ZCWPW2: variants seen among roughly 807,000 people sequenced by gnomAD.
ZCWPW2 encodes zinc finger CW-type PWWP domain protein 2.
Under a neutral mutation model 46.6 loss-of-function variants are expected in ZCWPW2, and 45 were observed. The ratio of observed to expected loss-of-function variants is 0.96; its 90% CI spans 0.76 to 1.24. The LOEUF is 1.24. ZCWPW2 is among the 50% of genes most tolerant of loss of function. ZCWPW2 has a pLI of 0.00. For missense variants in ZCWPW2, 429 were observed against 403.9 expected (o/e 1.06, Z -0.53); for synonymous variants, 152 against 137.1 (o/e 1.11, Z -0.76).
intron 4 of ZCWPW2, among the ~76,000 whole-genome samples, chr3:28,436,187 T>C (rs1697481576): frequency 6.6e-6 from 1 of 152,174 alleles, no homozygotes; most frequent in African/African-American, 2.4e-5. Context: ...TAAGTATAAA[T>C]CAATTAAATG....
At chr3:28,506,932 A>G (rs530799667) in intron 6 of ZCWPW2, among the ~76,000 whole-genome samples, 1 of 152,134 alleles carries the variant, frequency 6.6e-6, no homozygotes, top group African/African-American at 2.4e-5. Context: ...TCTTCCCTCA[A>G]ATACTTTGAG....
At chr3:28,389,996 C>T (rs1383260791) in intron 1 of ZCWPW2, among the ~76,000 whole-genome samples, 7 of 152,186 alleles carry the variant, frequency 4.6e-5, no homozygotes, top group East Asian at 1.9e-4. Flanking sequence ...AACACCTTCA[C>T]AGGAATATCC....
At chr3:28,453,846 ATTATTAT>A (rs1169236339) in intron 4 of ZCWPW2, among the ~76,000 whole-genome samples, 9 of 144,068 alleles carry the variant, frequency 6.2e-5, no homozygotes, top group African/African-American at 1.5e-4. Flanking sequence ...TATTTTTTTT[ATTATTAT>A]TTTTTTTTTG....
chr3:28,360,392 G>C (rs13090951), intron 1 of ZCWPW2, among the ~76,000 whole-genome samples: 26,457 of 148,404 alleles, frequency 0.18, 3,164 homozygotes, highest in Admixed American at 0.26. Context: ...GCATGGTGGC[G>C]GGTGCCTGTA....
intron 6 of ZCWPW2, among the ~76,000 whole-genome samples, chr3:28,495,190 T>C (rs1046828012): frequency 2.0e-5 from 3 of 152,076 alleles, no homozygotes; most frequent in Non-Finnish European, 4.4e-5. Flanking sequence ...ACTACAAGGC[T>C]ACAGTAACCA....
At chr3:28,406,116 T>C (rs937900067) in intron 2 of ZCWPW2, among the ~76,000 whole-genome samples, 12 of 152,214 alleles carry the variant, frequency 7.9e-5, no homozygotes, top group African/African-American at 2.9e-4. Flanking sequence ...GGCTTGGCTC[T>C]TCTTGACTGC....
chr3:28,364,757 C>T (rs544261946), intron 1 of ZCWPW2, among the ~76,000 whole-genome samples: 8 of 151,430 alleles, frequency 5.3e-5, no homozygotes, highest in South Asian at 2.1e-4. Flanking sequence ...ACTTCCACAA[C>T]GGTTGAACTA....
intron 4 of ZCWPW2, among the ~76,000 whole-genome samples, chr3:28,467,071 G>A (rs1010419426): frequency 6.6e-6 from 1 of 152,140 alleles, no homozygotes; most frequent in Non-Finnish European, 1.5e-5. Flanking sequence ...TGATTTGACA[G>A]ATTAATAGAA....
intron 3 of ZCWPW2, among the ~76,000 whole-genome samples, chr3:28,426,989 G>A (rs570887159): frequency 6.6e-6 from 1 of 152,134 alleles, no homozygotes; most frequent in Non-Finnish European, 1.5e-5. Flanking sequence ...GCATTCCCTT[G>A]AGCCTACTTG....
chr3:28,400,908 G>T (rs1414493832), intron 2 of ZCWPW2, among the ~76,000 whole-genome samples: 1 of 152,162 alleles, frequency 6.6e-6, no homozygotes, highest in East Asian at 1.9e-4. Flanking sequence ...GGCTGGGCAT[G>T]GTGGCTCACG....
chr3:28,386,136 G>A (rs1695264789), intron 1 of ZCWPW2, among the ~76,000 whole-genome samples: 1 of 152,006 alleles, frequency 6.6e-6, no homozygotes, highest in African/African-American at 2.4e-5. Context: ...GGCTAAATTT[G>A]GGGTGGAACT....
chr3:28,446,133 T>C (rs1481603062), intron 4 of ZCWPW2, among the ~76,000 whole-genome samples: 1 of 151,792 alleles, frequency 6.6e-6, no homozygotes, highest in Non-Finnish European at 1.5e-5. Flanking sequence ...AGAAGATAAG[T>C]AAAGAAATAG....
intron 3 of ZCWPW2, among the ~76,000 whole-genome samples, chr3:28,413,624 A>T (rs1025313370): frequency 6.6e-6 from 1 of 152,154 alleles, no homozygotes; most frequent in South Asian, 2.1e-4. Context: ...AATTAAAGCT[A>T]TAAATTTTTC....
At chr3:28,453,240 T>C (rs1040183441) in intron 4 of ZCWPW2, among the ~76,000 whole-genome samples, 1 of 152,234 alleles carries the variant, frequency 6.6e-6, no homozygotes, top group Non-Finnish European at 1.5e-5. Flanking sequence ...ATTCTGCTTT[T>C]TGGATTCACT....
intron 2 of ZCWPW2, among the ~76,000 whole-genome samples, chr3:28,403,702 G>A (rs932721154): frequency 6.6e-6 from 1 of 152,096 alleles, no homozygotes; most frequent in East Asian, 1.9e-4. Context: ...TAGCCACACA[G>A]ACCAATGGAA....
At chr3:28,447,515 A>G (rs1698041506) in intron 4 of ZCWPW2, among the ~76,000 whole-genome samples, 1 of 152,188 alleles carries the variant, frequency 6.6e-6, no homozygotes, top group South Asian at 2.1e-4. Context: ...TCTCAACATA[A>G]TAAAAGCCAT....
chr3:28,412,631 TA>T (rs1217089518), intron 2 of ZCWPW2, among the ~76,000 whole-genome samples: 1 of 151,960 alleles, frequency 6.6e-6, no homozygotes, highest in Non-Finnish European at 1.5e-5. Flanking sequence ...ATGAGCATAA[TA>T]AGGTTGTTGG....
At chr3:28,516,290 TAAATAA>T (rs1700571497) in intron 8 of ZCWPW2, among the ~76,000 whole-genome samples, 1 of 150,448 alleles carries the variant, frequency 6.6e-6, no homozygotes, top group Non-Finnish European at 1.5e-5. Flanking sequence ...AATAAATAAA[TAAATAA>T]ATAAATAAAG....
intron 4 of ZCWPW2, among the ~76,000 whole-genome samples, chr3:28,457,295 A>C (rs570061212): frequency 1.3e-5 from 2 of 152,352 alleles, no homozygotes; most frequent in African/African-American, 4.8e-5. Flanking sequence ...ACCTGCCCTT[A>C]TGATTCTATC....
Sources: gnomAD v4.1 joint callset for allele counts (sites outside exome capture counted in the v4.1 genomes callset) on GRCh38, gnomAD v4.1.1 for gene constraint, MANE v1.5 for transcripts, NCBI Gene and HGNC (gene_info 2026-07-23, HGNC 2026-07-21) for gene names.